The following CPXM2 variants were observed in gnomAD, a reference collection of about 807,000 sequenced individuals.
CPXM2 encodes inactive carboxypeptidase-like protein X2.
Under a neutral mutation model 86.1 loss-of-function variants are expected in CPXM2, and 66 were observed. The observed-to-expected ratio is 0.77, with a 90% CI of 0.63 to 0.94. CPXM2 has a LOEUF of 0.94. CPXM2 is among the 40% of genes least tolerant of loss of function. The pLI, the probability that CPXM2 is intolerant of heterozygous loss-of-function variation, is 0.00. For synonymous variants in CPXM2, 388 were observed against 400.2 expected, an observed-to-expected ratio of 0.97 and a Z score of 0.36; for missense variants, 948 against 1,026.3, an observed-to-expected ratio of 0.92 and a Z score of 1.04.
intron 9 of CPXM2, among the ~76,000 whole-genome samples, chr10:123,767,637 G>A (rs1846510644): frequency 6.6e-6 from 1 of 152,118 alleles, no homozygotes; most frequent in Non-Finnish European, 1.5e-5. Flanking sequence ...AGGTACCCTT[G>A]TTTTAATATA....
At chr10:123,805,784 TTC>T (rs1218789198) in intron 4 of CPXM2, among the ~76,000 whole-genome samples, 1 of 152,186 alleles carries the variant, frequency 6.6e-6, no homozygotes, top group Admixed American at 6.5e-5. Flanking sequence ...GATTACTAGT[TTC>T]TCTTTATTGA....
At chr10:123,921,531 T>C (rs1472708400) in intron 2 of CPXM2, among the ~76,000 whole-genome samples, 2 of 152,234 alleles carry the variant, frequency 1.3e-5, no homozygotes, top group African/African-American at 2.4e-5. Context: ...AGGGATGTTC[T>C]GTGAATAAGA....
At chr10:123,862,839 C>T in intron 2 of CPXM2, 116 bp from the exon 3 acceptor site, 2 of 790,342 alleles carry the variant, frequency 2.5e-6, no homozygotes, top group South Asian at 3.1e-5. Flanking sequence ...CACCCACAGG[C>T]ATGCCTGGTC....
intron 2 of CPXM2, among the ~76,000 whole-genome samples, chr10:123,875,110 CT>C (rs772298789): frequency 2.0e-5 from 3 of 152,158 alleles, no homozygotes; most frequent in Non-Finnish European, 2.9e-5. Flanking sequence ...CCCAGGACCC[CT>C]AATCAAACCC....
chr10:123,926,459 CA>C (rs1945622723), intron 2 of CPXM2, among the ~76,000 whole-genome samples: 1 of 152,232 alleles, frequency 6.6e-6, no homozygotes, highest in South Asian at 2.1e-4. Flanking sequence ...ACTCGCCTGA[CA>C]AATGCTTCTA....
chr10:123,887,328 A>G (rs1945193810), intron 1 of CPXM2, among the ~76,000 whole-genome samples: 1 of 152,230 alleles, frequency 6.6e-6, no homozygotes, highest in African/African-American at 2.4e-5. Flanking sequence ...GAAACTGTAC[A>G]GTACCAAAAT....
intron 3 of CPXM2, among the ~76,000 whole-genome samples, chr10:123,855,365 AAAAACAAAC>A (rs1848697811): frequency 6.6e-6 from 1 of 152,246 alleles, no homozygotes; most frequent in Non-Finnish European, 1.5e-5. Context: ...CAGGAAAAAC[AAAAACAAAC>A]AAAACAGAAA....
At chr10:123,760,348 ATTC>A (rs1846304256) in intron 11 of CPXM2, among the ~76,000 whole-genome samples, 1 of 152,204 alleles carries the variant, frequency 6.6e-6, no homozygotes, top group Non-Finnish European at 1.5e-5. Context: ...GCCATTAGGA[ATTC>A]TTCTTGATAG....
chr10:123,871,523 T>C (rs994258987), intron 2 of CPXM2, among the ~76,000 whole-genome samples: 16 of 152,216 alleles, frequency 1.1e-4, no homozygotes, highest in African/African-American at 3.4e-4. Flanking sequence ...TTTTTCCACA[T>C]CTATGTACCA....
intron 2 of CPXM2, among the ~76,000 whole-genome samples, chr10:123,876,824 A>G (rs912558816): frequency 2.0e-5 from 3 of 152,234 alleles, no homozygotes; most frequent in African/African-American, 7.2e-5. Flanking sequence ...TGTGTGCTAC[A>G]CTGTGCAGAC....
intron 4 of CPXM2, among the ~76,000 whole-genome samples, chr10:123,812,574 C>T (rs571776924): frequency 7.2e-5 from 11 of 152,320 alleles, no homozygotes; most frequent in African/African-American, 2.2e-4. Flanking sequence ...GGGTCCCCAA[C>T]CCCTGGACCA....
intron 6 of CPXM2, among the ~76,000 whole-genome samples, chr10:123,784,468 C>T (rs1038744296): frequency 1.3e-5 from 2 of 152,188 alleles, no homozygotes; most frequent in African/African-American, 4.8e-5. Context: ...CTCCTCACCC[C>T]TGAGTCCTCC....
At chr10:123,786,399 G>A (rs981387578) in intron 6 of CPXM2, among the ~76,000 whole-genome samples, 4 of 152,150 alleles carry the variant, frequency 2.6e-5, no homozygotes, top group African/African-American at 7.2e-5. Flanking sequence ...CAGAGGCCCT[G>A]CTTCCAGCTG....
chr10:123,842,555 T>C (rs1194704363), intron 3 of CPXM2, 67 bp from the exon 4 acceptor site: 5 of 1,518,972 alleles, frequency 3.3e-6, no homozygotes, highest in Non-Finnish European at 4.5e-6. Flanking sequence ...ACATATCTTT[T>C]CCTGAGGCTG....
chr10:123,831,807 A>G (rs1446536861), intron 4 of CPXM2, among the ~76,000 whole-genome samples: 1 of 152,094 alleles, frequency 6.6e-6, no homozygotes, highest in East Asian at 1.9e-4. Context: ...CAGATCATCC[A>G]GAAAAATCTT....
At chr10:123,905,498 C>G (rs1463599394) in intron 2 of CPXM2, among the ~76,000 whole-genome samples, 2 of 152,156 alleles carry the variant, frequency 1.3e-5, no homozygotes, top group African/African-American at 4.8e-5. Flanking sequence ...CGTTTGAGCC[C>G]CTGACTTTTC....
chr10:123,846,824 A>T (rs1314271290), intron 3 of CPXM2, among the ~76,000 whole-genome samples: 4 of 152,158 alleles, frequency 2.6e-5, no homozygotes, highest in Non-Finnish European at 5.9e-5. Flanking sequence ...ACTAAAAACC[A>T]CTGAACAGAT....
At chr10:123,911,426 G>A (rs904928007) in intron 2 of CPXM2, among the ~76,000 whole-genome samples, 3 of 152,182 alleles carry the variant, frequency 2.0e-5, no homozygotes, top group East Asian at 3.9e-4. Context: ...TTAGGGCATC[G>A]ATGAAGTTTC....
At chr10:123,921,970 A>G (rs964878320) in intron 2 of CPXM2, among the ~76,000 whole-genome samples, 30 of 152,210 alleles carry the variant, frequency 2.0e-4, no homozygotes, top group Middle Eastern at 3.4e-3. Context: ...ATCCCTCCCC[A>G]TGTTTCCCTG....
Sources: allele counts gnomAD v4.1 joint callset (sites outside exome capture counted in the v4.1 genomes callset), GRCh38; gene constraint gnomAD v4.1.1; transcripts MANE v1.5; gene names NCBI Gene and HGNC (gene_info 2026-07-23, HGNC 2026-07-21).